The following COG7 variants were observed in gnomAD, a reference collection of about 807,000 sequenced individuals.
COG7 encodes conserved oligomeric Golgi complex subunit 7.
Under a neutral mutation model 91.5 loss-of-function variants are expected in COG7, and 49 were observed. The observed-to-expected ratio is 0.54, with a 90% CI of 0.43 to 0.68. COG7 has a LOEUF of 0.68. Among genes scored for constraint, COG7 ranks in the 30% least tolerant of loss-of-function variants. The pLI, the probability that COG7 is intolerant of heterozygous loss-of-function variation, is 0.00. For missense variants in COG7, 895 were observed against 961.3 expected, an observed-to-expected ratio of 0.93 and a Z score of 0.91; for synonymous variants, 365 against 388.7, an observed-to-expected ratio of 0.94 and a Z score of 0.72.
rs148167698 is a variant in COG7, at chr16:23,440,554, C to T, written c.604+1923G>A. Among the ~76,000 whole-genome samples, 3 of 151,280 alleles carry T rather than the reference C, an allele frequency of 2.0e-5. No homozygotes were observed. In the East Asian group the frequency reaches 5.8e-4, roughly 29 times the overall value. ...AAGGTCTCACTCTGTCACTCCTGGG[C>T]TCAAGCGATCCTTCTGCCCCAACCT... On this transcript the variant is annotated intron_variant, in intron 4 of 16. Transcript: ENST00000307149.
At chr16:23,413,820 A>AGTTGACTCC in intron 9 of COG7, 1 of 413,880 alleles carries the variant, frequency 2.4e-6, no homozygotes, top group Non-Finnish European at 4.5e-6. Context: ...ATAATCGTGA[A>AGTTGACTCC]GTTGACTCCA....
intron 14 of COG7, 128 bp downstream of exon 14, chr16:23,397,918 C>T (rs1234117197): frequency 2.5e-5 from 20 of 800,940 alleles, no homozygotes; most frequent in African/African-American, 8.5e-5. Flanking sequence ...GCAGACTACC[C>T]CAAAGCACAG....
intron 4 of COG7, among the ~76,000 whole-genome samples, chr16:23,440,462 CAT>C (rs1360324458): frequency 6.7e-6 from 1 of 149,054 alleles, no homozygotes; most frequent in Non-Finnish European, 1.5e-5. Context: ...TAAATCATGA[CAT>C]AACAAAAATT....
intron 6 of COG7, among the ~76,000 whole-genome samples, chr16:23,430,295 G>A (rs1415440728): frequency 1.3e-5 from 2 of 151,964 alleles, no homozygotes; most frequent in African/African-American, 4.8e-5. Context: ...TGGGTGTGGT[G>A]GCACGCACCT....
At chr16:23,429,616 T>C (rs1257079173) in intron 6 of COG7, among the ~76,000 whole-genome samples, 1 of 151,942 alleles carries the variant, frequency 6.6e-6, no homozygotes, top group African/African-American at 2.4e-5. Context: ...ATACAAAAAT[T>C]AGCTGGGCAT....
intron 6 of COG7, among the ~76,000 whole-genome samples, chr16:23,431,382 G>C (rs1285784173): frequency 6.6e-6 from 1 of 152,184 alleles, no homozygotes; most frequent in East Asian, 1.9e-4. Flanking sequence ...CAAAATCTAG[G>C]ATGAGGCCCA....
intron 6 of COG7, 49 bp from the exon 7 acceptor site, chr16:23,424,996 G>A (rs1251746578): frequency 5.9e-6 from 9 of 1,521,184 alleles, no homozygotes; most frequent in Non-Finnish European, 8.1e-6. Context: ...AGCCAAATAG[G>A]AGCCCACCTT....
In COG7 at chr16:23,424,755, G is replaced by C. The variant is rs1256763937; in HGVS notation, c.1003C>G (p.His335Asp). The change falls in exon 7 of 17, where the codon CAC (histidine) becomes GAC (aspartate). Residue 335 changes from histidine to aspartate, a missense_variant. Coordinates refer to ENST00000307149, the MANE Select transcript of COG7 (RefSeq NM_153603.4). ...AKGLEMALLP[H>D]LHEHNLVKVT... is the part of the protein sequence containing the mutation. ...GGCAGGAAGGAATGTTTACGTAGGT[G>C]GGGGAGCAGTGCCATCTCCAAGCCC... 1.2e-6 allele frequency: 2 copies of C among 1,614,114 alleles called. No homozygotes were observed. The highest frequency in any genetic ancestry group is 1.7e-6 in the Non-Finnish European group (2 of 1,179,928).
intron 4 of COG7, among the ~76,000 whole-genome samples, chr16:23,439,154 T>C (rs1277950186): frequency 9.0e-6 from 1 of 110,568 alleles, no homozygotes; most frequent in Non-Finnish European, 1.7e-5. Context: ...TTAAACTGTG[T>C]CTCCAAAAAA....
intron 16 of COG7, among the ~76,000 whole-genome samples, chr16:23,391,019 T>G (rs1280772406): frequency 6.6e-6 from 1 of 152,258 alleles, no homozygotes; most frequent in African/African-American, 2.4e-5. Context: ...CAGGTGTGCA[T>G]GCTTTGCCAC....
chr16:23,442,396 G>T, intron 4 of COG7, 81 bp downstream of exon 4: 8 of 1,179,602 alleles, frequency 6.8e-6, no homozygotes, highest in Non-Finnish European at 8.8e-6. Flanking sequence ...TCACCATTAA[G>T]ACATTCTAAA....
chr16:23,411,463 A>G (rs2142071193), intron 10 of COG7, among the ~76,000 whole-genome samples: 1 of 152,308 alleles, frequency 6.6e-6, no homozygotes, highest in Middle Eastern at 3.4e-3. Flanking sequence ...CCAAACCACC[A>G]CGGGTGATAA....
At chr16:23,404,143 T>G (rs1963422116) in intron 12 of COG7, among the ~76,000 whole-genome samples, 1 of 152,146 alleles carries the variant, frequency 6.6e-6, no homozygotes, top group Non-Finnish European at 1.5e-5. Context: ...TTAGGAAAAA[T>G]TCACCTGTGA....
intron 13 of COG7, among the ~76,000 whole-genome samples, chr16:23,402,884 C>T (rs1400909926): frequency 6.6e-6 from 1 of 152,224 alleles, no homozygotes; most frequent in Non-Finnish European, 1.5e-5. Flanking sequence ...GAGCCCTGGA[C>T]TCCCAGCCTT....
intron 13 of COG7, 101 bp downstream of exon 13, chr16:23,403,593 T>C (rs1042475391): frequency 6.8e-7 from 1 of 1,473,128 alleles, no homozygotes; most frequent in African/African-American, 1.4e-5. Context: ...AAGCGGGATC[T>C]TCCCAAAGCT....
rs1964159528 is a variant in COG7, at chr16:23,445,053, T to A, written c.430A>T (p.Thr144Ser). ...LSADIEETFK[T>S]QDIAVISAKL... ...CCCCTAAACAAGAAACCTACCTGAG[T>A]CTTAAATGTCTCCTCAATATCGGCG... The change falls in exon 3 of 17, where the codon ACT becomes TCT. Residue 144 changes from threonine to serine, a missense_variant. Coordinates refer to ENST00000307149, the MANE Select transcript of COG7 (RefSeq NM_153603.4). 1 of 1,611,366 alleles carries A rather than the reference T, an allele frequency of 6.2e-7. No individual in the cohort carries two copies. The highest frequency in any genetic ancestry group is 1.1e-5 in the South Asian group (1 of 91,036).
intron 14 of COG7, among the ~76,000 whole-genome samples, chr16:23,396,995 G>A (rs185012730): frequency 9.1e-4 from 139 of 152,062 alleles, no homozygotes; most frequent in African/African-American, 3.2e-3. Flanking sequence ...CTGCAGCGTC[G>A]ACCTCCTGGG....
chr16:23,452,791 G>A (rs1964285545), intron 1 of COG7, 35 bp downstream of exon 1: 2 of 1,592,656 alleles, frequency 1.3e-6, no homozygotes, highest in Admixed American at 1.8e-5. Flanking sequence ...CGAGAGCAGG[G>A]GAGGGTCCCG....
intron 9 of COG7, chr16:23,416,587 C>G: frequency 3.3e-6 from 1 of 306,148 alleles, no homozygotes; most frequent in Non-Finnish European, 6.3e-6. Flanking sequence ...CCTGTCTTGG[C>G]CTCCCAAAGT....
Sources: gnomAD v4.1 joint callset for allele counts (sites outside exome capture counted in the v4.1 genomes callset) on GRCh38, gnomAD v4.1.1 for gene constraint, MANE v1.5 for transcripts, NCBI Gene and HGNC (gene_info 2026-07-23, HGNC 2026-07-21) for gene names.